The following MBOAT2 variants were observed in gnomAD, a reference collection of about 807,000 sequenced individuals.
MBOAT2 encodes membrane-bound glycerophospholipid O-acyltransferase 2.
Under a neutral mutation model 63.4 loss-of-function variants are expected in MBOAT2, and 28 were observed. The ratio of observed to expected loss-of-function variants is 0.44; its 90% confidence interval spans 0.33 to 0.61. The LOEUF (loss-of-function observed/expected upper bound fraction) is 0.61. MBOAT2 is among the 20% of genes least tolerant of loss of function. MBOAT2 has a pLI of 0.03. For missense variants in MBOAT2, 470 were observed against 605.8 expected, an observed-to-expected ratio of 0.78 and a Z score of 2.35; for synonymous variants, 211 against 215.6, an observed-to-expected ratio of 0.98 and a Z score of 0.19.
intron 3 of MBOAT2, among the ~76,000 whole-genome samples, chr2:8,931,884 C>T (rs1667342535): frequency 6.6e-6 from 1 of 152,146 alleles, no homozygotes; most frequent in Non-Finnish European, 1.5e-5. Context: ...TGTTGAAGAT[C>T]AGATGGTTGT....
At chr2:8,928,212 A>C (rs1667067046) in intron 3 of MBOAT2, among the ~76,000 whole-genome samples, 1 of 152,164 alleles carries the variant, frequency 6.6e-6, no homozygotes. Flanking sequence ...TTTCAACATG[A>C]GATTTGGGAG....
intron 3 of MBOAT2, among the ~76,000 whole-genome samples, chr2:8,919,493 T>A (rs1666420350): frequency 6.6e-6 from 1 of 152,228 alleles, no homozygotes; most frequent in Non-Finnish European, 1.5e-5. Flanking sequence ...TAATGGCTAG[T>A]GATCTTGAGC....
intron 8 of MBOAT2, among the ~76,000 whole-genome samples, chr2:8,872,646 A>G (rs1403525024): frequency 6.6e-6 from 1 of 152,234 alleles, no homozygotes; most frequent in Non-Finnish European, 1.5e-5. Flanking sequence ...CCTGCCAAGC[A>G]TAACTGATGA....
At chr2:8,875,856 A>G (rs999619209) in intron 7 of MBOAT2, among the ~76,000 whole-genome samples, 1 of 152,264 alleles carries the variant, frequency 6.6e-6, no homozygotes, top group African/African-American at 2.4e-5. Context: ...AATAGAAAAT[A>G]TGAAGACAAA....
At chr2:8,965,873 C>T (rs1176411937) in intron 1 of MBOAT2, among the ~76,000 whole-genome samples, 1 of 152,046 alleles carries the variant, frequency 6.6e-6, no homozygotes, top group Non-Finnish European at 1.5e-5. Context: ...AAAAATTAAC[C>T]TATAATAATT....
intron 4 of MBOAT2, among the ~76,000 whole-genome samples, chr2:8,889,735 G>C (rs988873703): frequency 2.6e-5 from 4 of 152,052 alleles, no homozygotes; most frequent in African/African-American, 9.7e-5. Flanking sequence ...TTAAAACATA[G>C]TAACAACTGA....
At chr2:8,955,364 C>A (rs1402945368) in intron 2 of MBOAT2, among the ~76,000 whole-genome samples, 3 of 152,104 alleles carry the variant, frequency 2.0e-5, no homozygotes, top group African/African-American at 7.2e-5. Flanking sequence ...TGCTCAGATC[C>A]CCAGTGGAAA....
chr2:8,862,421 T>C lies in MBOAT2; in HGVS notation c.1185+169A>G. 1 of 1,319,528 alleles carries C rather than the reference T, an allele frequency of 7.6e-7. No individual in the cohort carries two copies. Among genetic ancestry groups the C allele is most frequent in the Admixed American group, 2.3e-5 (1 of 43,028 alleles). 81.7% of individuals were successfully genotyped at this position (1,319,528 alleles called of 1,614,324 possible). A position where few individuals can be genotyped will look rare whatever the true frequency, so the allele number is the denominator to read the frequency against. ...GGAACTGGGCATGGAGCCTAGCCCG[T>C]GGTGAGCGCTCAGCAAACATGCACG... On this transcript the variant is annotated intron_variant, in intron 11 of 12. Coordinates refer to ENST00000305997, the MANE Select transcript of MBOAT2 (RefSeq NM_138799.4). This position sits in a 1 kb window ranked among gnomAD's most constrained non-coding sequence, Gnocchi z 4.3.
At chr2:8,972,108 C>A (rs1670499021) in intron 1 of MBOAT2, among the ~76,000 whole-genome samples, 1 of 152,196 alleles carries the variant, frequency 6.6e-6, no homozygotes, top group African/African-American at 2.4e-5. Flanking sequence ...CGCTACCTGA[C>A]TTCAAACTAT....
chr2:8,954,857 C>A (rs577589549), intron 2 of MBOAT2, among the ~76,000 whole-genome samples: 1 of 152,276 alleles, frequency 6.6e-6, no homozygotes, highest in African/African-American at 2.4e-5. Flanking sequence ...GTCTGGATTT[C>A]TGCCTGGGAG....
Position 8,957,177 on chromosome 2 carries a change from T to C in MBOAT2, c.221+1320A>G, listed in dbSNP as rs184600545. ...AATCTGAAGCTGAGTGATGGGCATA[T>C]GAGGGCTCACTATATTGTTCTTTGT... On this transcript the variant is annotated intron_variant, in intron 2 of 12. Transcript: ENST00000305997. Among the ~76,000 whole-genome samples the C allele has an allele frequency of 2.2e-4, 34 of 152,318 alleles. No individual in the cohort carries two copies. In the East Asian group the frequency reaches 6.4e-3, roughly 28 times the overall value.
At chr2:8,971,543 A>G (rs1347823004) in intron 1 of MBOAT2, among the ~76,000 whole-genome samples, 1 of 152,228 alleles carries the variant, frequency 6.6e-6, no homozygotes, top group South Asian at 2.1e-4. Context: ...AAAGAAATAA[A>G]GGGTATTCAG....
intron 4 of MBOAT2, among the ~76,000 whole-genome samples, chr2:8,900,818 T>C (rs1190319906): frequency 6.6e-6 from 1 of 152,188 alleles, no homozygotes; most frequent in Non-Finnish European, 1.5e-5. Context: ...AAGATCAAGC[T>C]TCAGGATAGT....
At position 8,882,580 on chromosome 2, in the gene MBOAT2, T is replaced by C; in HGVS notation, c.452-15A>G. 1.9e-6 allele frequency: 3 copies of C among 1,613,690 alleles called. No individual in the cohort carries two copies. Among genetic ancestry groups the C allele is most frequent in the Non-Finnish European group, 2.5e-6 (3 of 1,179,568 alleles). ...CCGAAACATCCCTGAGAAACAAAAATAGGTACTCATCAATTAAGATTTCTC... is the reference window on the plus strand; with the variant it reads ...CCGAAACATCCCTGAGAAACAAAAACAGGTACTCATCAATTAAGATTTCTC... On this transcript the variant is annotated splice_polypyrimidine_tract_variant and intron_variant, in intron 5 of 12. Transcript: ENST00000305997.
chr2:8,979,744 A>C (rs1001264796), intron 1 of MBOAT2, among the ~76,000 whole-genome samples: 4 of 152,256 alleles, frequency 2.6e-5, no homozygotes, highest in Admixed American at 1.3e-4. Flanking sequence ...TCCAAACTAT[A>C]CAGCGACATG....
At chr2:8,897,788 C>T (rs999882066) in intron 4 of MBOAT2, among the ~76,000 whole-genome samples, 2 of 152,214 alleles carry the variant, frequency 1.3e-5, no homozygotes, top group Admixed American at 6.5e-5. Flanking sequence ...GGCAGTCATG[C>T]TCGATTGGTT....
At chr2:8,887,932 T>A in intron 5 of MBOAT2, 86 bp downstream of exon 5, 1 of 1,215,768 alleles carries the variant, frequency 8.2e-7, no homozygotes, top group East Asian at 2.3e-5. Context: ...CTTACTCTAA[T>A]AGCAGAAAGT....
At chr2:8,913,898 G>A (rs1211508254) in intron 3 of MBOAT2, among the ~76,000 whole-genome samples, 3 of 152,142 alleles carry the variant, frequency 2.0e-5, no homozygotes, top group African/African-American at 4.8e-5. Context: ...CACAATTCAC[G>A]ATTGCAAAAT....
chr2:8,870,281 A>C (rs1662219993), intron 8 of MBOAT2, among the ~76,000 whole-genome samples: 2 of 152,312 alleles, frequency 1.3e-5, no homozygotes, highest in South Asian at 4.1e-4. Context: ...TGGAGATGAG[A>C]AGCCTGATTC....
Sources: allele counts gnomAD v4.1 joint callset (sites outside exome capture counted in the v4.1 genomes callset), GRCh38; gene constraint gnomAD v4.1.1; non-coding constraint Gnocchi (gnomAD v3.1); transcripts MANE v1.5; gene names NCBI Gene and HGNC (gene_info 2026-07-23, HGNC 2026-07-21).